The following SPINK5 variants were observed in gnomAD, a reference collection of about 807,000 sequenced individuals.
SPINK5 encodes serine peptidase inhibitor Kazal type 5.
SPINK5 carries 125 observed loss-of-function variants against 151.8 expected under a neutral mutation model. The ratio of observed to expected loss-of-function variants is 0.82; its 90% CI spans 0.71 to 0.96. The LOEUF is 0.96. Ranked by LOEUF, SPINK5 falls within the 40% of genes least tolerant of loss-of-function variation. The pLI, the probability that SPINK5 is intolerant of heterozygous loss-of-function variation, is 0.00. For missense variants in SPINK5, 1,194 were observed against 1,291.9 expected, an observed-to-expected ratio of 0.92 and a Z score of 1.16; for synonymous variants, 374 against 395.3, an observed-to-expected ratio of 0.95 and a Z score of 0.64.
Position 148,086,536 on chromosome 5 carries a change from A to C in SPINK5, c.410+4A>C. The C allele has an allele frequency of 6.2e-7, 1 of 1,610,660 alleles. No individual in the cohort carries two copies. The highest frequency in any genetic ancestry group is 1.1e-5 in the South Asian group (1 of 90,932). On this transcript the variant is annotated splice_donor_region_variant and intron_variant, in intron 5 of 32. Coordinates refer to ENST00000256084, the MANE Select transcript of SPINK5 (RefSeq NM_006846.4). ...GTGCACTGTGTGCTGAGAATGCGTG[A>C]GTATTCTCTGAAGTAGGCTTTCTCC...
At chr5:148,120,976 C>G (rs545970677) in intron 26 of SPINK5, among the ~76,000 whole-genome samples, 112 of 151,656 alleles carry the variant, frequency 7.4e-4, no homozygotes, top group Non-Finnish European at 1.4e-3. Context: ...AACCCCGTCT[C>G]TACTAAAAGT....
rs557324031 is a variant in SPINK5, at chr5:148,094,432, C to T, written c.745C>T (p.Pro249Ser). 3 of 1,612,726 alleles carry T rather than the reference C, an allele frequency of 1.9e-6. No homozygotes were observed. In the Admixed American group the frequency reaches 5.0e-5, roughly 27 times the overall value. Reference protein sequence around the residue: ...CTRESDPVRGPDGRMHGNKCA... With the variant: ...CTRESDPVRGSDGRMHGNKCA... ...ACGGGAGAGTGATCCAGTCCGTGGC[C>T]CTGACGGCAGGATGCATGGCAACAA... The change falls in exon 9 of 33, where the codon CCT (proline) becomes TCT (serine). Residue 249 changes from proline to serine, a missense_variant. Transcript: ENST00000256084.
Position 148,070,357 on chromosome 5 carries a change from A to G in SPINK5, c.116A>G (p.Asn39Ser), listed in dbSNP as rs757954624. The change falls in exon 3 of 33, where the codon AAT (asparagine) becomes AGT (serine). Residue 39 changes from asparagine to serine, a missense_variant. Physicochemically the swap from Asn to Ser is conservative, Grantham distance 46. Transcript: ENST00000256084. ...MCHEFQAFMK[N>S]GKLFCPQDKK... ...CATGAATTTCAGGCATTTATGAAAAATGGAAAACTGTTCTGTCCCCAGGAT... is the reference window on the plus strand; with the variant it reads ...CATGAATTTCAGGCATTTATGAAAAGTGGAAAACTGTTCTGTCCCCAGGAT... The G allele has an allele frequency of 6.2e-7, 1 of 1,612,688 alleles. No individual in the cohort carries two copies. Among genetic ancestry groups the G allele is most frequent in the Admixed American group, 1.7e-5 (1 of 59,832 alleles).
At chr5:148,131,145 C>G in intron 30 of SPINK5, 114 bp from the exon 31 acceptor site, 1 of 1,347,890 alleles carries the variant, frequency 7.4e-7, no homozygotes, top group Non-Finnish European at 1.1e-6. Context: ...ATATATCACA[C>G]TCCTTTTACA....
At chr5:148,089,161 C>T (rs1248843694) in intron 6 of SPINK5, 2 of 472,050 alleles carry the variant, frequency 4.2e-6, no homozygotes, top group South Asian at 1.5e-5. Flanking sequence ...CCTGAGGTGA[C>T]TTGCACCAAG....
At position 148,107,063 on chromosome 5, in the gene SPINK5, AGTGAGG is replaced by A; in HGVS notation, c.1507_1512del (p.Val503_Arg504del). On this transcript the variant is annotated inframe_deletion, in exon 17 of 33. Coordinates refer to ENST00000256084, the MANE Select transcript of SPINK5 (RefSeq NM_006846.4). ...AAATCTGCAGTGAATTTCGGGACCA[AGTGAGG>A]AATGGAACACTTATATGCACCAGGG... 1 of 1,613,144 alleles carries A rather than the reference AGTGAGG, an allele frequency of 6.2e-7. No individual in the cohort carries two copies.
intron 20 of SPINK5, among the ~76,000 whole-genome samples, chr5:148,113,331 C>T (rs1753994279): frequency 5.9e-5 from 9 of 152,112 alleles, no homozygotes; most frequent in Admixed American, 5.2e-4. Context: ...AAAAGAAGAA[C>T]TTGCATGTAA....
chr5:148,089,128 C>G (rs1223816313), intron 6 of SPINK5: 1 of 465,158 alleles, frequency 2.1e-6, no homozygotes, highest in South Asian at 1.5e-5. Context: ...GGTCTGATGC[C>G]CTTTTTATAA....
chr5:148,112,641 C>A (rs1450405465), intron 19 of SPINK5, among the ~76,000 whole-genome samples: 1 of 151,790 alleles, frequency 6.6e-6, no homozygotes, highest in African/African-American at 2.4e-5. Context: ...CCACTGCACT[C>A]CAGCCTGGCA....
At chr5:148,125,903 A>G in intron 29 of SPINK5, 53 bp downstream of exon 29, 5 of 1,612,842 alleles carry the variant, frequency 3.1e-6, no homozygotes, top group Non-Finnish European at 4.2e-6. Context: ...CTGCATTTTT[A>G]GAAACTGCTG....
chr5:148,117,547 G>A (rs1242199005), intron 22 of SPINK5, among the ~76,000 whole-genome samples: 1 of 152,180 alleles, frequency 6.6e-6, no homozygotes, highest in Non-Finnish European at 1.5e-5. Context: ...GAATAAATGA[G>A]TGAGGATGTG....
intron 3 of SPINK5, among the ~76,000 whole-genome samples, chr5:148,071,786 A>T (rs1752744611): frequency 6.6e-6 from 1 of 152,042 alleles, no homozygotes; most frequent in African/African-American, 2.4e-5. Flanking sequence ...GGGTCCCTAG[A>T]TGTTGGAATT....
chr5:148,125,457 G>A, intron 28 of SPINK5: 1 of 1,413,614 alleles, frequency 7.1e-7, no homozygotes, highest in Non-Finnish European at 9.9e-7. Context: ...AAGGAAGGAT[G>A]GATGAACGGG....
In SPINK5 at chr5:148,125,464, C is replaced by T. The variant is rs534910401; in HGVS notation, c.2740-259C>T. On this transcript the variant is annotated intron_variant, in intron 28 of 32. Transcript: ENST00000256084. The stretch of plus-strand genomic sequence containing the variant: ...AATGGGGAAAGGAAGGATGGATGAA[C>T]GGGAGAAAAAAACAGGAAGGTCTAT... 182 of 1,471,366 alleles carry T rather than the reference C, an allele frequency of 1.2e-4. No individual in the cohort carries two copies. The African/African-American group carries it at 2.0e-3, about 16-fold the overall frequency. The allele number at this position is 1,471,366 out of a possible 1,614,324, so 91.1% of individuals were successfully genotyped here.
chr5:148,107,779 G>A (rs145432499), intron 17 of SPINK5, among the ~76,000 whole-genome samples: 1 of 152,256 alleles, frequency 6.6e-6, no homozygotes, highest in East Asian at 1.9e-4. Context: ...TTGTTTTGCT[G>A]AGTGGTGTAG....
intron 4 of SPINK5, among the ~76,000 whole-genome samples, chr5:148,084,313 TG>T (rs1753097343): frequency 6.6e-6 from 1 of 150,918 alleles, no homozygotes; most frequent in Non-Finnish European, 1.5e-5. Context: ...GACCCAGTGC[TG>T]GAGGTTCTGA....
intron 2 of SPINK5, among the ~76,000 whole-genome samples, chr5:148,068,554 C>CAAAAAAAAA (rs1166912306): frequency 5.6e-5 from 5 of 89,216 alleles, no homozygotes; most frequent in Admixed American, 1.2e-4. Flanking sequence ...CCTGCCTCTC[C>CAAAAAAAAA]AAAAAAAAAA....
At position 148,119,684 on chromosome 5, in the gene SPINK5, G is replaced by A. The variant is rs573531751; in HGVS notation, c.2314-325G>A. 3.0e-4 allele frequency among the ~76,000 whole-genome samples: 46 copies of A among 152,276 alleles called. 1 individual carries two copies. The highest frequency in any genetic ancestry group is 2.2e-3 in the Admixed American group (34 of 15,300). The stretch of plus-strand genomic sequence containing the variant: ...TCATTCTCACACTGACTGTCCTGCC[G>A]CTGCCTCTCTCTTTAATGAGTAAGA... On this transcript the variant is annotated intron_variant, in intron 24 of 32. Transcript: ENST00000256084.
rs1005834469 is a variant in SPINK5 at position 148,123,689 on chromosome 5, G to A, written c.2539-144G>A. On this transcript the variant is annotated intron_variant, in intron 26 of 32. Coordinates refer to ENST00000256084, the MANE Select transcript of SPINK5 (RefSeq NM_006846.4). ...TTCTTAGGTAGAGATTGAATAAAGT[G>A]CCTTTAAAACATATTTCTTCTCTGA... The A allele has an allele frequency of 1.9e-5, 21 of 1,111,686 alleles. No individual in the cohort carries two copies. In the African/African-American group the frequency reaches 3.0e-4, roughly 16 times the overall value. The allele number at this position is 1,111,686 out of a possible 1,614,324, so 68.9% of individuals were successfully genotyped here.
Sources: gnomAD v4.1 joint callset for allele counts (sites outside exome capture counted in the v4.1 genomes callset) on GRCh38, gnomAD v4.1.1 for gene constraint, MANE v1.5 for transcripts, NCBI Gene and HGNC (gene_info 2026-07-23, HGNC 2026-07-21) for gene names.